CR2: variants seen among roughly 807,000 people sequenced by gnomAD.
CR2 encodes complement receptor type 2.
In CR2, 96 loss-of-function variants were observed where a neutral mutation model predicts 123.0. The observed-to-expected ratio is 0.78, with a 90% CI of 0.66 to 0.93. The LOEUF is 0.93. Among genes scored for constraint, CR2 ranks in the 40% least tolerant of loss-of-function variants. The pLI is 0.00. For synonymous variants in CR2, 484 were observed against 469.5 expected (o/e 1.03, Z -0.40); for missense variants, 1,258 against 1,361.0 (o/e 0.92, Z 1.19).
chr1:207,486,914 G>T (rs1411377708), intron 19 of CR2, among the ~76,000 whole-genome samples: 1 of 152,186 alleles, frequency 6.6e-6, no homozygotes, highest in Non-Finnish European at 1.5e-5. Context: ...AATAGACTTG[G>T]CAAGAAGACA....
At position 207,466,739 on chromosome 1, in the gene CR2, G is replaced by T; in HGVS notation, c.272G>T (p.Cys91Phe). Residue 91 changes from cysteine (C) to phenylalanine (F), a missense_variant, in exon 2 of 20, where the codon TGC (cysteine) becomes TTC (phenylalanine). Physicochemically the swap from Cys to Phe is radical, Grantham distance 205. Coordinates refer to ENST00000367057, the MANE Select transcript of CR2 (RefSeq NM_001006658.3). ...GAATATTTCAATAAATATTCTTCTT[G>T]CCCTGAGCCCATAGTACCAGGAGGA... is the stretch of plus-strand genomic sequence containing the variant. Reference protein sequence around the residue: ...KCEYFNKYSSCPEPIVPGGYK... With the variant: ...KCEYFNKYSSFPEPIVPGGYK... The T allele has an allele frequency of 6.2e-7, 1 of 1,614,052 alleles. No homozygotes were observed.
In CR2 at chr1:207,454,708, G is replaced by A. The variant is rs1435960010; in HGVS notation, c.58+232G>A. ...GAATTGGAGGCTGCGCCACAGAGGG[G>A]CGCTGTCTGGTCGGCCCGGTGTGGC... On this transcript the variant is annotated intron_variant, in intron 1 of 19. Transcript: ENST00000367057. The surrounding 1 kb of genome is among the most constrained non-coding windows in gnomAD (Gnocchi z 4.3). 1.7e-5 allele frequency: 8 copies of A among 467,148 alleles called. No homozygotes were observed. Among genetic ancestry groups the A allele is most frequent in the Non-Finnish European group, 2.6e-5 (7 of 264,388 alleles). 28.9% of individuals were successfully genotyped at this position (467,148 alleles called of 1,614,324 possible).
Position 207,478,084 on chromosome 1 carries a change from G to A in CR2, c.3088+14G>A, listed in dbSNP as rs558560473. 1.4e-4 allele frequency: 228 copies of A among 1,611,966 alleles called. 2 individuals carry two copies. The highest frequency in any genetic ancestry group is 6.2e-4 in the Admixed American group (37 of 59,834). Reference sequence around the variant, plus strand: ...TTTGCAGATCCCGTAAGTACCAAGGGCTTCACCGCCGCTTGTAACTGGCTA... The same window carrying A: ...TTTGCAGATCCCGTAAGTACCAAGGACTTCACCGCCGCTTGTAACTGGCTA... On this transcript the variant is annotated intron_variant, in intron 16 of 19. Coordinates refer to ENST00000367057, the MANE Select transcript of CR2 (RefSeq NM_001006658.3).
intron 9 of CR2, 79 bp downstream of exon 9, chr1:207,471,578 G>A (rs1023230450): frequency 9.9e-7 from 1 of 1,007,710 alleles, no homozygotes; most frequent in Non-Finnish European, 1.6e-6. Flanking sequence ...TTTGGGACAT[G>A]TTATGAGAAT....
intron 12 of CR2, 69 bp downstream of exon 12, chr1:207,473,954 C>T: frequency 6.9e-7 from 1 of 1,446,802 alleles, no homozygotes; most frequent in Non-Finnish European, 9.6e-7. Context: ...TGACCTTCAA[C>T]TTGTCTTGGT....
At chr1:207,485,969 G>A (rs192271678) in intron 19 of CR2, among the ~76,000 whole-genome samples, 2 of 152,052 alleles carry the variant, frequency 1.3e-5, no homozygotes, top group South Asian at 2.1e-4. Context: ...GGTGGCTCAC[G>A]CCTGTAATCC....
rs1250358980 is a variant in CR2, at chr1:207,475,188, G to A, written c.2688G>A (p.Val896=). 1.9e-6 allele frequency: 3 copies of A among 1,613,806 alleles called. No individual in the cohort carries two copies. Among genetic ancestry groups the A allele is most frequent in the East Asian group, 2.2e-5 (1 of 44,890 alleles). Residue 896 remains valine, a synonymous_variant, in exon 14 of 20, where the codon GTG becomes GTA. Coordinates refer to ENST00000367057, the MANE Select transcript of CR2 (RefSeq NM_001006658.3). ...VIRCHTDNTW[V]PGVPTCIKKA... ...GGTGTCATACTGATAACACATGGGT[G>A]CCAGGTGTGCCAACTTGTATCAAAA...
chr1:207,466,244 C>T (rs1202807235), intron 1 of CR2, among the ~76,000 whole-genome samples: 1 of 152,102 alleles, frequency 6.6e-6, no homozygotes, highest in East Asian at 1.9e-4. Flanking sequence ...CTGAATTTGC[C>T]TTTTGTTTCA....
At chr1:207,481,635 A>G (rs1381145233) in intron 18 of CR2, among the ~76,000 whole-genome samples, 2 of 152,060 alleles carry the variant, frequency 1.3e-5, no homozygotes, top group Non-Finnish European at 2.9e-5. Flanking sequence ...GGAAGAACTG[A>G]CCTCTTCATG....
intron 1 of CR2, among the ~76,000 whole-genome samples, chr1:207,464,046 G>C (rs946801236): frequency 6.6e-6 from 1 of 152,146 alleles, no homozygotes; most frequent in Non-Finnish European, 1.5e-5. Flanking sequence ...TTATTTCATA[G>C]TGAGTAAATG....
At chr1:207,488,735 T>C (rs1346962494) in intron 19 of CR2, among the ~76,000 whole-genome samples, 1 of 152,194 alleles carries the variant, frequency 6.6e-6, no homozygotes, top group Non-Finnish European at 1.5e-5. Context: ...AAACAAGGTA[T>C]AGAAAATCTG....
At chr1:207,473,485 A>G in intron 10 of CR2, 60 bp from the exon 11 acceptor site, 1 of 1,502,576 alleles carries the variant, frequency 6.7e-7, no homozygotes, top group Non-Finnish European at 9.3e-7. Context: ...TTGTACACTT[A>G]GTGTTCTTGA....
chr1:207,474,101 T>C, intron 12 of CR2, 140 bp from the exon 13 acceptor site: 2 of 888,862 alleles, frequency 2.3e-6, no homozygotes, highest in South Asian at 1.4e-5. Context: ...TTTTTTTACT[T>C]GGAGTAAAAA....
chr1:207,457,500 G>C (rs1183637267), intron 1 of CR2, among the ~76,000 whole-genome samples: 1 of 152,080 alleles, frequency 6.6e-6, no homozygotes, highest in African/African-American at 2.4e-5. Context: ...CCCTCTTCTT[G>C]TTCTTCTCAG....
At position 207,454,728 on chromosome 1, in the gene CR2, T is replaced by C; in HGVS notation, c.58+252T>C. 2.3e-6 allele frequency: 1 copy of C among 434,812 alleles called. No homozygotes were observed. Among genetic ancestry groups the C allele is most frequent in the South Asian group, 4.2e-5 (1 of 23,730 alleles). 26.9% of individuals were successfully genotyped at this position (434,812 alleles called of 1,614,324 possible). On this transcript the variant is annotated intron_variant, in intron 1 of 19. Transcript: ENST00000367057. This position sits in a 1 kb window ranked among gnomAD's most constrained non-coding sequence, Gnocchi z 4.3. ...GAGGGGCGCTGTCTGGTCGGCCCGG[T>C]GTGGCTGGCGGCGTGCGGGTGCTCG...
At chr1:207,479,429 T>C (rs1014849075) in intron 17 of CR2, 149 bp downstream of exon 17, 1 of 625,468 alleles carries the variant, frequency 1.6e-6, no homozygotes, top group Non-Finnish European at 2.8e-6. Context: ...AATGTACATG[T>C]CACATTACAA....
chr1:207,482,693 A>G (rs762429771), intron 18 of CR2, among the ~76,000 whole-genome samples: 9 of 152,184 alleles, frequency 5.9e-5, no homozygotes, highest in Non-Finnish European at 1.2e-4. Context: ...GTGAGGATGC[A>G]AAGCAAATGG....
chr1:207,472,730 A>C, intron 9 of CR2, 42 bp from the exon 10 acceptor site: 1 of 1,598,132 alleles, frequency 6.3e-7, no homozygotes. Context: ...TTTGGTGTCT[A>C]ATACAGGAAC....
At chr1:207,485,362 A>T in intron 18 of CR2, 102 bp from the exon 19 acceptor site, 1 of 750,868 alleles carries the variant, frequency 1.3e-6, no homozygotes. Flanking sequence ...CATCCACAAA[A>T]GTACTTACCA....
Sources: gnomAD v4.1 joint callset for allele counts (sites outside exome capture counted in the v4.1 genomes callset) on GRCh38, gnomAD v4.1.1 for gene constraint, Gnocchi (gnomAD v3.1) non-coding constraint, MANE v1.5 for transcripts, NCBI Gene and HGNC (gene_info 2026-07-23, HGNC 2026-07-21) for gene names.